GPM6A: variants seen among roughly 807,000 people sequenced by gnomAD.
GPM6A encodes neuronal membrane glycoprotein M6-a.
A neutral mutation model predicts 32.1 loss-of-function variants in GPM6A; 7 were observed. That is an observed-to-expected ratio of 0.22 (90% CI 0.12 to 0.41). GPM6A has a LOEUF of 0.41. Ranked by LOEUF, GPM6A falls within the 10% of genes least tolerant of loss-of-function variation. The probability of loss-of-function intolerance (pLI) is 1.00; values close to 1 mark genes in which losing one functional copy is unlikely to be tolerated. For synonymous variants in GPM6A, 130 were observed against 123.4 expected, an observed-to-expected ratio of 1.05 and a Z score of -0.35; for missense variants, 235 against 347.2, an observed-to-expected ratio of 0.68 and a Z score of 2.57.
intron 3 of GPM6A, among the ~76,000 whole-genome samples, chr4:175,657,875 A>G (rs1269260838): frequency 2.0e-5 from 3 of 152,234 alleles, no homozygotes; most frequent in African/African-American, 7.2e-5. Flanking sequence ...ACACCAAGTC[A>G]AAGGGAAGAA....
At chr4:175,683,487 G>A (rs966214903) in intron 2 of GPM6A, among the ~76,000 whole-genome samples, 4 of 152,082 alleles carry the variant, frequency 2.6e-5, no homozygotes, top group South Asian at 2.1e-4. Flanking sequence ...TGAGATTTGG[G>A]AGAGTCCAGG....
At chr4:175,857,007 A>G (rs1736439169) in intron 1 of GPM6A, among the ~76,000 whole-genome samples, 1 of 152,044 alleles carries the variant, frequency 6.6e-6, no homozygotes, top group Non-Finnish European at 1.5e-5. Context: ...CTCACCCAGG[A>G]CCCTGCCCTC....
chr4:175,676,101 C>A (rs1275603549), intron 2 of GPM6A, among the ~76,000 whole-genome samples: 1 of 152,124 alleles, frequency 6.6e-6, no homozygotes, highest in African/African-American at 2.4e-5. Context: ...CTTCTCACTG[C>A]ACTTCTCTCT....
intron 1 of GPM6A, among the ~76,000 whole-genome samples, chr4:175,831,267 C>T (rs571790550): frequency 3.9e-5 from 6 of 152,090 alleles, no homozygotes; most frequent in Non-Finnish European, 7.4e-5. Flanking sequence ...CCTGAAGACA[C>T]CAAGAAAGGG....
At chr4:175,883,225 T>C (rs1737338261) in intron 1 of GPM6A, among the ~76,000 whole-genome samples, 1 of 152,090 alleles carries the variant, frequency 6.6e-6, no homozygotes, top group Non-Finnish European at 1.5e-5. Context: ...TGAGATTGCT[T>C]CTTCTGAAAA....
chr4:175,637,844 A>T (rs866856462), intron 6 of GPM6A, among the ~76,000 whole-genome samples: 2 of 121,328 alleles, frequency 1.6e-5, no homozygotes, highest in Admixed American at 2.2e-4. Context: ...TATAATATAT[A>T]ATATAAAATA....
chr4:175,699,659 G>A (rs1031018188), intron 2 of GPM6A, among the ~76,000 whole-genome samples: 2 of 152,032 alleles, frequency 1.3e-5, no homozygotes, highest in African/African-American at 4.8e-5. Flanking sequence ...TGTGGGGGGT[G>A]GAGGGGACTG....
At chr4:175,816,369 A>T (rs918186597), upstream of GPM6A, among the ~76,000 whole-genome samples, 1 of 152,072 alleles carries the variant, frequency 6.6e-6, no homozygotes, top group Non-Finnish European at 1.5e-5. Flanking sequence ...ATTTTTCTTA[A>T]TCTTAATTTG....
At chr4:175,840,986 T>C (rs2111385042) in intron 1 of GPM6A, among the ~76,000 whole-genome samples, 1 of 152,346 alleles carries the variant, frequency 6.6e-6, no homozygotes, top group South Asian at 2.1e-4. Context: ...ATTACTTACT[T>C]ATTATCCCTA....
rs143240839 is a variant in GPM6A at position 175,849,611 on chromosome 4, T to C, written c.-22-37362A>G. 6.7e-3 allele frequency among the ~76,000 whole-genome samples: 1,023 copies of C among 152,302 alleles called. 8 individuals carry two copies. The highest frequency in any genetic ancestry group is 0.022 in the African/African-American group (935 of 41,572). On this transcript the variant is annotated intron_variant, in intron 1 of 7. Transcript: ENST00000280187. ...TTCATTGACAAAAAGATGAAAACAG[T>C]TGTACTATACTAATAATCATTTCTT...
At chr4:175,930,037 G>A (rs1030051447) in intron 1 of GPM6A, among the ~76,000 whole-genome samples, 44 of 152,126 alleles carry the variant, frequency 2.9e-4, no homozygotes, top group African/African-American at 8.9e-4. Context: ...GCTAAAAATC[G>A]TTAATCTTAA....
At chr4:175,883,659 T>C (rs545976960) in intron 1 of GPM6A, among the ~76,000 whole-genome samples, 20 of 152,264 alleles carry the variant, frequency 1.3e-4, no homozygotes, top group Non-Finnish European at 2.4e-4. Flanking sequence ...TCCTTTAATA[T>C]CCGCAATATT....
At chr4:175,797,011 C>A in intron 1 of GPM6A, among the ~76,000 whole-genome samples, 1 of 151,998 alleles carries the variant, frequency 6.6e-6, no homozygotes, top group Middle Eastern at 3.4e-3. Context: ...GTACTCAATT[C>A]TCTCAGATTA....
intron 1 of GPM6A, among the ~76,000 whole-genome samples, chr4:175,998,580 T>G (rs1741381828): frequency 6.6e-6 from 1 of 152,270 alleles, no homozygotes; most frequent in African/African-American, 2.4e-5. Flanking sequence ...TCCCCAGTCT[T>G]CAAGATTTCA....
chr4:175,936,348 T>C (rs922154646), intron 1 of GPM6A, among the ~76,000 whole-genome samples: 22 of 141,854 alleles, frequency 1.6e-4, no homozygotes, highest in African/African-American at 5.6e-4. Flanking sequence ...TATACATTCC[T>C]GTTATATAAT....
At chr4:175,645,980 A>G (rs2110901651) in intron 4 of GPM6A, among the ~76,000 whole-genome samples, 1 of 152,308 alleles carries the variant, frequency 6.6e-6, no homozygotes, top group South Asian at 2.1e-4. Context: ...TTTCAAAGTC[A>G]GCAACAATGG....
chr4:175,877,836 G>A (rs1737133842), intron 1 of GPM6A, among the ~76,000 whole-genome samples: 1 of 152,096 alleles, frequency 6.6e-6, no homozygotes, highest in Admixed American at 6.5e-5. Context: ...TAACTCAAAA[G>A]TCAAAATCCA....
chr4:175,943,342 C>T (rs1739479351), intron 1 of GPM6A, among the ~76,000 whole-genome samples: 1 of 152,166 alleles, frequency 6.6e-6, no homozygotes, highest in Non-Finnish European at 1.5e-5. Flanking sequence ...AATTTGACTT[C>T]CTCTATTCCT....
At chr4:175,637,257 A>ATAATATATATTATATATTATATATTATAT (rs1491429171) in intron 6 of GPM6A, among the ~76,000 whole-genome samples, 1 of 74,512 alleles carries the variant, frequency 1.3e-5, no homozygotes, top group Non-Finnish European at 2.4e-5. Context: ...TATATAATAT[A>ATAATATATATTATATATTATATATTATAT]AAATATATAT....
Sources: gnomAD v4.1 joint callset for allele counts (sites outside exome capture counted in the v4.1 genomes callset) on GRCh38, gnomAD v4.1.1 for gene constraint, MANE v1.5 for transcripts, NCBI Gene and HGNC (gene_info 2026-07-23, HGNC 2026-07-21) for gene names.